The following ANGPT1 variants were observed in gnomAD, a reference collection of about 807,000 sequenced individuals.
ANGPT1 encodes angiopoietin 1.
In ANGPT1, 17 loss-of-function variants were observed where a neutral mutation model predicts 62.2. The observed-to-expected ratio is 0.27, with a 90% CI of 0.19 to 0.41. ANGPT1 has a LOEUF of 0.41. Ranked by LOEUF, ANGPT1 falls within the 10% of genes least tolerant of loss-of-function variation. ANGPT1 has a pLI of 1.00. For missense variants in ANGPT1, 478 were observed against 594.9 expected (o/e 0.80, Z 2.04); for synonymous variants, 199 against 198.9 (o/e 1.00, Z 0.00).
intron 1 of ANGPT1, among the ~76,000 whole-genome samples, chr8:107,403,342 C>G (rs147730147): frequency 6.6e-6 from 1 of 152,030 alleles, no homozygotes; most frequent in Admixed American, 6.6e-5. Context: ...GGGACTCATA[C>G]CTACACCTTA....
chr8:107,473,375 C>G (rs1318639693), intron 1 of ANGPT1, among the ~76,000 whole-genome samples: 1 of 151,882 alleles, frequency 6.6e-6, no homozygotes, highest in Non-Finnish European at 1.5e-5. Context: ...AAAAGCATTT[C>G]ACAGTTTGCT....
intron 1 of ANGPT1, among the ~76,000 whole-genome samples, chr8:107,378,565 G>C (rs1287479875): frequency 6.6e-6 from 1 of 152,068 alleles, no homozygotes; most frequent in Non-Finnish European, 1.5e-5. Context: ...TGTCCCCACT[G>C]AAATCTCATC....
chr8:107,411,582 T>A (rs1018236514), intron 1 of ANGPT1, among the ~76,000 whole-genome samples: 7 of 152,204 alleles, frequency 4.6e-5, no homozygotes, highest in Non-Finnish European at 1.0e-4. Context: ...GATTGGACTA[T>A]AAATTAGCTT....
intron 1 of ANGPT1, among the ~76,000 whole-genome samples, chr8:107,474,841 C>G (rs566172688): frequency 6.6e-6 from 1 of 152,192 alleles, no homozygotes; most frequent in Non-Finnish European, 1.5e-5. Context: ...ACAATTGCTT[C>G]AAAGAGAATA....
intron 1 of ANGPT1, among the ~76,000 whole-genome samples, chr8:107,426,120 C>T (rs1811035142): frequency 6.6e-6 from 1 of 152,184 alleles, no homozygotes; most frequent in South Asian, 2.1e-4. Context: ...AGAATTGCTT[C>T]CCAGTTGCAA....
At chr8:107,271,011 G>C (rs1372633511) in intron 7 of ANGPT1, among the ~76,000 whole-genome samples, 1 of 151,926 alleles carries the variant, frequency 6.6e-6, no homozygotes, top group African/African-American at 2.4e-5. Context: ...TACAAAATAA[G>C]TACGAATGAA....
At chr8:107,396,166 T>C (rs1396715019) in intron 1 of ANGPT1, among the ~76,000 whole-genome samples, 1 of 152,204 alleles carries the variant, frequency 6.6e-6, no homozygotes, top group Non-Finnish European at 1.5e-5. Flanking sequence ...GCTAAGGCTC[T>C]TGTCTACTTT....
At chr8:107,310,936 A>AAT (rs1554581271) in intron 4 of ANGPT1, among the ~76,000 whole-genome samples, 1 of 140,458 alleles carries the variant, frequency 7.1e-6, no homozygotes, top group Non-Finnish European at 1.6e-5. Flanking sequence ...TGTTAGTGTG[A>AAT]GTGTGTGTGT....
Position 107,336,251 on chromosome 8 carries a change from T to C in ANGPT1, c.474A>G (p.Arg158=). 6.2e-7 allele frequency: 1 copy of C among 1,602,844 alleles called. No individual in the cohort carries two copies. Among genetic ancestry groups the C allele is most frequent in the Non-Finnish European group, 8.5e-7 (1 of 1,176,178 alleles). Residue 158 remains arginine, a synonymous_variant, in exon 3 of 9, where the codon CGA becomes CGG. Transcript: ENST00000517746. ...VETQVLNQTS[R]LEIQLLENSL... Reference sequence around the variant, plus strand: ...AATTCTCCAGCAGCTGTATCTCAAGTCGAGAAGTTTGATTTAGTACCTTAA... The same window carrying C: ...AATTCTCCAGCAGCTGTATCTCAAGCCGAGAAGTTTGATTTAGTACCTTAA...
At chr8:107,386,852 A>G (rs1816740848) in intron 1 of ANGPT1, among the ~76,000 whole-genome samples, 1 of 152,134 alleles carries the variant, frequency 6.6e-6, no homozygotes, top group Non-Finnish European at 1.5e-5. Flanking sequence ...CTGACAGACT[A>G]CAGGGTATTC....
intron 8 of ANGPT1, among the ~76,000 whole-genome samples, chr8:107,259,356 T>C (rs1350425350): frequency 1.3e-5 from 2 of 152,118 alleles, no homozygotes; most frequent in African/African-American, 4.8e-5. Context: ...GATTATATAG[T>C]AGGCAAAGTG....
intron 4 of ANGPT1, among the ~76,000 whole-genome samples, chr8:107,321,169 G>A (rs1001259988): frequency 6.6e-6 from 1 of 151,932 alleles, no homozygotes; most frequent in South Asian, 2.1e-4. Flanking sequence ...TAATTGTTAG[G>A]TGGATGGATG....
At chr8:107,400,499 T>A (rs1156567789) in intron 1 of ANGPT1, among the ~76,000 whole-genome samples, 1 of 151,422 alleles carries the variant, frequency 6.6e-6, no homozygotes, top group Non-Finnish European at 1.5e-5. Context: ...ACAGGAGGAG[T>A]CCAATCACTG....
intron 4 of ANGPT1, among the ~76,000 whole-genome samples, chr8:107,311,941 G>A (rs1236638583): frequency 2.0e-5 from 3 of 152,022 alleles, no homozygotes; most frequent in Non-Finnish European, 4.4e-5. Flanking sequence ...GCGGGCGCCT[G>A]TAGTCCCAGC....
chr8:107,260,211 G>A (rs553129765), intron 8 of ANGPT1, among the ~76,000 whole-genome samples: 47 of 152,140 alleles, frequency 3.1e-4, no homozygotes, highest in Admixed American at 2.4e-3. Flanking sequence ...GTCTTTTACC[G>A]ATAAGGGTAA....
intron 1 of ANGPT1, among the ~76,000 whole-genome samples, chr8:107,426,390 C>T (rs1309642894): frequency 6.6e-6 from 1 of 152,074 alleles, no homozygotes; most frequent in Non-Finnish European, 1.5e-5. Context: ...GGCGGGTGAT[C>T]CAAGGTTGAG....
Position 107,453,423 on chromosome 8 carries a change from A to T in ANGPT1, c.297+43839T>A, listed in dbSNP as rs1811830627. On this transcript the variant is annotated intron_variant, in intron 1 of 8. Coordinates refer to ENST00000517746, the MANE Select transcript of ANGPT1 (RefSeq NM_001146.5). The stretch of plus-strand genomic sequence containing the variant: ...GGCCTCACAATTATGGTGGAAGGCA[A>T]GGAGGAGCAAGTCACATCTTACATG... 2.0e-5 allele frequency among the ~76,000 whole-genome samples: 3 copies of T among 152,030 alleles called. No homozygotes were observed. In the South Asian group the frequency reaches 6.2e-4, roughly 31 times the overall value.
intron 1 of ANGPT1, among the ~76,000 whole-genome samples, chr8:107,430,471 A>C (rs991875226): frequency 4.6e-5 from 7 of 152,116 alleles, no homozygotes; most frequent in Non-Finnish European, 7.4e-5. Context: ...TCTCACCTAC[A>C]ATTTAAACAA....
intron 1 of ANGPT1, among the ~76,000 whole-genome samples, chr8:107,463,576 C>T (rs1042235145): frequency 6.6e-6 from 1 of 152,006 alleles, no homozygotes; most frequent in East Asian, 1.9e-4. Flanking sequence ...TGTGAGTAAA[C>T]GTAGAGCAGT....
Sources: gnomAD v4.1 joint callset for allele counts (sites outside exome capture counted in the v4.1 genomes callset) on GRCh38, gnomAD v4.1.1 for gene constraint, MANE v1.5 for transcripts, NCBI Gene and HGNC (gene_info 2026-07-23, HGNC 2026-07-21) for gene names.